LYZL1: variants seen among roughly 807,000 people sequenced by gnomAD.
LYZL1 encodes lysozyme like 1.
LYZL1 carries 16 observed loss-of-function variants against 17.9 expected under a neutral mutation model. That is an observed-to-expected ratio of 0.90 (90% CI 0.61 to 1.36). The LOEUF is 1.36. Ranked by LOEUF, LYZL1 falls within the 40% of genes most tolerant of loss-of-function variation. LYZL1 has a pLI of 0.00. For missense variants in LYZL1, 149 were observed against 188.4 expected, an observed-to-expected ratio of 0.79 and a Z score of 1.22; for synonymous variants, 58 against 71.8, an observed-to-expected ratio of 0.81 and a Z score of 0.97.
chr10:29,297,768 C>T (rs1431724241), intron 3 of LYZL1, among the ~76,000 whole-genome samples: 1 of 152,114 alleles, frequency 6.6e-6, no homozygotes, highest in Non-Finnish European at 1.5e-5. Context: ...GATTATTGTA[C>T]ACTCACACTC....
chr10:29,298,566 C>T (rs117390877), intron 3 of LYZL1, among the ~76,000 whole-genome samples: 2 of 152,094 alleles, frequency 1.3e-5, no homozygotes, highest in Admixed American at 6.6e-5. Flanking sequence ...ATTCAGCTCA[C>T]CTCCCATGCA....
At chr10:29,306,358 G>A (rs1249337991) in intron 3 of LYZL1, among the ~76,000 whole-genome samples, 1 of 138,140 alleles carries the variant, frequency 7.2e-6, no homozygotes, top group Non-Finnish European at 1.6e-5. Flanking sequence ...AGACCATCCC[G>A]GCTAAAACGG....
chr10:29,300,733 T>C (rs1004291548), intron 3 of LYZL1, among the ~76,000 whole-genome samples: 1 of 152,206 alleles, frequency 6.6e-6, no homozygotes, highest in African/African-American at 2.4e-5. Context: ...TTCTCTGCTT[T>C]TGTTTGTCTG....
intron 3 of LYZL1, among the ~76,000 whole-genome samples, chr10:29,304,100 A>G (rs567584077): frequency 6.6e-6 from 1 of 152,290 alleles, no homozygotes; most frequent in Admixed American, 6.5e-5. Flanking sequence ...CCTCACTCTC[A>G]TTCCAAATTG....
At chr10:29,290,240 G>T (rs1835343674) in intron 1 of LYZL1, among the ~76,000 whole-genome samples, 1 of 152,166 alleles carries the variant, frequency 6.6e-6, no homozygotes. Context: ...GTAGTTGTCA[G>T]AAATTTCACT....
At chr10:29,313,594 C>T (rs1420578745), downstream of LYZL1, among the ~76,000 whole-genome samples, 1 of 152,164 alleles carries the variant, frequency 6.6e-6, no homozygotes, top group Non-Finnish European at 1.5e-5. Context: ...GCATGCAATC[C>T]TACTCTTCCC....
chr10:29,289,407 T>C (rs1391109610), intron 1 of LYZL1, among the ~76,000 whole-genome samples, 177 bp downstream of exon 1: 2 of 148,450 alleles, frequency 1.3e-5, no homozygotes, highest in Admixed American at 6.7e-5. Context: ...CTTTTTTTCT[T>C]TTTTCTTTTC....
intron 3 of LYZL1, among the ~76,000 whole-genome samples, chr10:29,301,897 C>A (rs925360804): frequency 1.4e-5 from 2 of 140,930 alleles, no homozygotes; most frequent in African/African-American, 5.5e-5. Flanking sequence ...GTTATGTCTT[C>A]AAGTCCACTG....
intron 3 of LYZL1, among the ~76,000 whole-genome samples, chr10:29,305,914 A>G (rs1387410385): frequency 6.6e-6 from 1 of 152,220 alleles, no homozygotes; most frequent in Non-Finnish European, 1.5e-5. Flanking sequence ...TCCACTTCCA[A>G]CAGAGTTAAC....
At chr10:29,298,398 C>T (rs540152025) in intron 3 of LYZL1, among the ~76,000 whole-genome samples, 1 of 152,284 alleles carries the variant, frequency 6.6e-6, no homozygotes, top group East Asian at 1.9e-4. Flanking sequence ...AGTGTCCCTC[C>T]TCTGTCCCTT....
At chr10:29,303,851 T>C (rs11815459) in intron 3 of LYZL1, among the ~76,000 whole-genome samples, 14,530 of 152,256 alleles carry the variant, frequency 0.095, 854 homozygotes, top group African/African-American at 0.16. Flanking sequence ...GAAAAAAAGT[T>C]AGCATTAGGG....
At chr10:29,289,971 C>G (rs1468515295) in intron 1 of LYZL1, among the ~76,000 whole-genome samples, 1 of 152,194 alleles carries the variant, frequency 6.6e-6, no homozygotes, top group African/African-American at 2.4e-5. Context: ...GGTTTGCCCA[C>G]GCTTGCTATT....
chr10:29,315,997 G>C (rs1220599870), downstream of LYZL1, among the ~76,000 whole-genome samples: 3 of 152,184 alleles, frequency 2.0e-5, no homozygotes, highest in Non-Finnish European at 2.9e-5. Flanking sequence ...CCGACTGCTT[G>C]AGGACAGACA....
At chr10:29,299,683 A>G (rs1264562912) in intron 3 of LYZL1, among the ~76,000 whole-genome samples, 1 of 152,174 alleles carries the variant, frequency 6.6e-6, no homozygotes, top group Admixed American at 6.5e-5. Context: ...GTTTCTCCTT[A>G]ACTCTGGTAC....
chr10:29,316,059 T>C (rs1250526237), downstream of LYZL1, among the ~76,000 whole-genome samples: 1 of 151,984 alleles, frequency 6.6e-6, no homozygotes, highest in Non-Finnish European at 1.5e-5. Flanking sequence ...CACAGCGATG[T>C]CAGGGGAAGG....
intron 1 of LYZL1, among the ~76,000 whole-genome samples, chr10:29,289,737 C>A (rs1435190420): frequency 6.6e-6 from 1 of 152,116 alleles, no homozygotes; most frequent in African/African-American, 2.4e-5. Context: ...GCATCTTAAA[C>A]CTCGTTTGTC....
At chr10:29,315,457 G>A (rs1305488824), downstream of LYZL1, among the ~76,000 whole-genome samples, 1 of 152,046 alleles carries the variant, frequency 6.6e-6, no homozygotes, top group East Asian at 1.9e-4. Context: ...GTTGCAGGGA[G>A]CCGAGATTGC....
Position 29,304,937 on chromosome 10 carries a change from G to C in LYZL1, c.299-5173G>C, listed in dbSNP as rs1835570654. Among the ~76,000 whole-genome samples the C allele has an allele frequency of 2.0e-5, 3 of 152,076 alleles. No individual in the cohort carries two copies. In the South Asian group the frequency reaches 6.2e-4, roughly 32 times the overall value. ...AACTGTACTCGGTGTCCACTTCCTG[G>C]TCCAATATGGCCCCACCGTCCCAGA... On this transcript the variant is annotated intron_variant, in intron 3 of 4. Coordinates refer to ENST00000649382, the MANE Select transcript of LYZL1 (RefSeq NM_032517.6).
At chr10:29,313,845 TGCTGGTTACCAGATACACTGA>T (rs994198353), downstream of LYZL1, among the ~76,000 whole-genome samples, 5 of 152,216 alleles carry the variant, frequency 3.3e-5, no homozygotes, top group African/African-American at 1.2e-4. Flanking sequence ...CCACATTATC[TGCTGGTTACCAGATACACTGA>T]GCAGACCATT....
Sources: allele counts gnomAD v4.1 joint callset (sites outside exome capture counted in the v4.1 genomes callset), GRCh38; gene constraint gnomAD v4.1.1; transcripts MANE v1.5; gene names NCBI Gene and HGNC (gene_info 2026-07-23, HGNC 2026-07-21).